The following THRB variants were observed in gnomAD, a reference collection of about 807,000 sequenced individuals.
THRB encodes the protein thyroid hormone receptor beta.
THRB carries 12 observed loss-of-function variants against 47.8 expected under a neutral mutation model. The observed-to-expected ratio is 0.25, with a 90% CI of 0.16 to 0.41. THRB has a LOEUF of 0.41. Ranked by LOEUF, THRB falls within the 10% of genes least tolerant of loss-of-function variation. THRB has a pLI of 1.00. For missense variants in THRB, 348 were observed against 589.2 expected, an observed-to-expected ratio of 0.59 and a Z score of 4.24; for synonymous variants, 218 against 212.2, an observed-to-expected ratio of 1.03 and a Z score of -0.24.
chr3:24,175,581 C>CTGT (rs1389267568), intron 5 of THRB, among the ~76,000 whole-genome samples: 4 of 152,204 alleles, frequency 2.6e-5, no homozygotes, highest in African/African-American at 9.7e-5. Context: ...CTTCAGACCA[C>CTGT]TGTTATCATC....
chr3:24,273,764 C>T (rs534320834), intron 3 of THRB, among the ~76,000 whole-genome samples: 11 of 152,176 alleles, frequency 7.2e-5, no homozygotes, highest in African/African-American at 1.9e-4. Context: ...CTACCCATTG[C>T]GGTAGAGCAC....
intron 3 of THRB, among the ~76,000 whole-genome samples, chr3:24,291,988 A>C (rs1273333302): frequency 6.6e-6 from 1 of 152,164 alleles, no homozygotes; most frequent in Non-Finnish European, 1.5e-5. Flanking sequence ...TTAACAGAAG[A>C]CTCAGTAAAT....
chr3:24,289,242 C>A (rs2055669950), intron 3 of THRB, among the ~76,000 whole-genome samples: 1 of 152,210 alleles, frequency 6.6e-6, no homozygotes, highest in African/African-American at 2.4e-5. Flanking sequence ...CCAACAAGAT[C>A]TTTAGGTAGA....
intron 1 of THRB, among the ~76,000 whole-genome samples, chr3:24,467,425 A>G (rs1219518768): frequency 6.6e-6 from 1 of 152,268 alleles, no homozygotes; most frequent in African/African-American, 2.4e-5. Flanking sequence ...AACCATTTCC[A>G]GAATGTTTTC....
At chr3:24,202,212 GTGAC>G (rs2044674780) in intron 4 of THRB, among the ~76,000 whole-genome samples, 1 of 152,206 alleles carries the variant, frequency 6.6e-6, no homozygotes, top group African/African-American at 2.4e-5. Context: ...CTTGCTCAAA[GTGAC>G]TGAGATGGAG....
intron 5 of THRB, among the ~76,000 whole-genome samples, chr3:24,184,521 G>GT (rs977339866): frequency 1.3e-5 from 2 of 152,104 alleles, no homozygotes; most frequent in Non-Finnish European, 2.9e-5. Context: ...GCTGTTTCCA[G>GT]TTTTTTGTTT....
chr3:24,309,316 G>C (rs1464759396), intron 2 of THRB, among the ~76,000 whole-genome samples: 1 of 152,220 alleles, frequency 6.6e-6, no homozygotes, highest in African/African-American at 2.4e-5. Context: ...AGAAGTGTTA[G>C]CGGAATAAAG....
chr3:24,284,729 T>G (rs945036581), intron 3 of THRB, among the ~76,000 whole-genome samples: 1 of 149,132 alleles, frequency 6.7e-6, no homozygotes, highest in Non-Finnish European at 1.5e-5. Flanking sequence ...TCAAACAGAT[T>G]TACAAGAAAA....
intron 1 of THRB, among the ~76,000 whole-genome samples, chr3:24,472,094 A>G (rs1010051682): frequency 2.6e-5 from 4 of 152,218 alleles, no homozygotes; most frequent in Non-Finnish European, 4.4e-5. Context: ...ACATTTTTAC[A>G]GAATTAGAAA....
intron 6 of THRB, among the ~76,000 whole-genome samples, chr3:24,151,276 T>C (rs892971551): frequency 3.3e-5 from 5 of 152,242 alleles, no homozygotes; most frequent in Middle Eastern, 3.4e-3. Context: ...GCATGGAAAA[T>C]CTTCCACTAG....
intron 3 of THRB, among the ~76,000 whole-genome samples, chr3:24,289,599 A>T (rs2055711271): frequency 6.6e-6 from 1 of 152,198 alleles, no homozygotes; most frequent in East Asian, 1.9e-4. Context: ...TTCAGAAATG[A>T]CGTGAAAATT....
At chr3:24,172,834 G>A (rs1199703649) in intron 5 of THRB, among the ~76,000 whole-genome samples, 9 of 152,076 alleles carry the variant, frequency 5.9e-5, no homozygotes, top group African/African-American at 2.2e-4. Flanking sequence ...CCTCTTTGTG[G>A]GTCTAAATTT....
chr3:24,357,346 CAAA>C (rs781709724), intron 1 of THRB, among the ~76,000 whole-genome samples: 1,153 of 28,770 alleles, frequency 0.04, 16 homozygotes, highest in South Asian at 0.17. Flanking sequence ...TTGTCTCTCC[CAAA>C]AAAAAAAAAA....
At chr3:24,375,240 C>T (rs1003937331) in intron 1 of THRB, among the ~76,000 whole-genome samples, 1 of 150,504 alleles carries the variant, frequency 6.6e-6, no homozygotes, top group African/African-American at 2.4e-5. Flanking sequence ...TTGGATTTGG[C>T]TGCTTTGTTG....
At chr3:24,235,415 T>C (rs1445381685) in intron 3 of THRB, among the ~76,000 whole-genome samples, 1 of 152,174 alleles carries the variant, frequency 6.6e-6, no homozygotes, top group Non-Finnish European at 1.5e-5. Context: ...ATGCTTCCCC[T>C]CACAGCTCAT....
chr3:24,338,950 C>A (rs973885822), intron 1 of THRB, among the ~76,000 whole-genome samples: 8 of 152,168 alleles, frequency 5.3e-5, no homozygotes, highest in African/African-American at 1.9e-4. Flanking sequence ...CAGTCAGAAA[C>A]TCTGATAATG....
chr3:24,267,036 A>C (rs1434128003), intron 3 of THRB, among the ~76,000 whole-genome samples: 1 of 152,096 alleles, frequency 6.6e-6, no homozygotes, highest in Middle Eastern at 3.2e-3. Context: ...ATACTTAATT[A>C]AATAAAATAA....
intron 3 of THRB, among the ~76,000 whole-genome samples, chr3:24,259,366 C>T (rs1046993573): frequency 6.6e-6 from 1 of 152,098 alleles, no homozygotes; most frequent in Non-Finnish European, 1.5e-5. Context: ...AGAGCAAAAA[C>T]GTTCATGCAA....
intron 1 of THRB, among the ~76,000 whole-genome samples, chr3:24,421,048 G>A (rs1577441876): frequency 6.6e-6 from 1 of 151,942 alleles, no homozygotes; most frequent in East Asian, 1.9e-4. Flanking sequence ...ATCTTTTGCA[G>A]GAAGATGGAT....
Sources: allele counts gnomAD v4.1 joint callset (sites outside exome capture counted in the v4.1 genomes callset), GRCh38; gene constraint gnomAD v4.1.1; transcripts MANE v1.5; gene names NCBI Gene and HGNC (gene_info 2026-07-23, HGNC 2026-07-21).